Variants in PTBP2 observed in about 807,000 individuals in gnomAD.
PTBP2 encodes the protein polypyrimidine tract binding protein 2, also known as polypyrimidine tract-binding protein 2.
In PTBP2, 13 loss-of-function variants were observed where a neutral mutation model predicts 61.4. That is an observed-to-expected ratio of 0.21 (90% CI 0.14 to 0.34). The LOEUF is 0.34. PTBP2 is among the 10% of genes least tolerant of loss of function. The pLI is 1.00. For missense variants in PTBP2, 405 were observed against 642.6 expected, an observed-to-expected ratio of 0.63 and a Z score of 4.00; for synonymous variants, 215 against 218.5, an observed-to-expected ratio of 0.98 and a Z score of 0.14.
intron 1 of PTBP2, among the ~76,000 whole-genome samples, chr1:96,722,441 AG>A (rs1224872044): frequency 1.2e-4 from 8 of 67,092 alleles, no homozygotes; most frequent in Non-Finnish European, 1.2e-4. Flanking sequence ...CCGCTGGGGA[AG>A]GGGGGAGGGC....
chr1:96,756,536 C>A (rs1362568527), intron 3 of PTBP2, among the ~76,000 whole-genome samples: 1 of 152,174 alleles, frequency 6.6e-6, no homozygotes, highest in East Asian at 1.9e-4. Flanking sequence ...AACTTCATAG[C>A]AACCAAGAAG....
At position 96,750,597 on chromosome 1, in the gene PTBP2, C is replaced by G. The variant is rs74480335; in HGVS notation, c.40-828C>G. ...CTGAAATGCTTTGATAATTCATTGC[C>G]TCCTTTGCACATTTTTTTCATTTTG... On this transcript the variant is annotated intron_variant, in intron 2 of 13. Coordinates refer to ENST00000674951, the MANE Select transcript of PTBP2 (RefSeq NM_021190.4). 5.2e-3 allele frequency among the ~76,000 whole-genome samples: 786 copies of G among 151,800 alleles called. 7 individuals carry two copies. Among genetic ancestry groups the G allele is most frequent in the South Asian group, 0.025 (119 of 4,822 alleles).
intron 2 of PTBP2, among the ~76,000 whole-genome samples, chr1:96,736,872 G>A (rs558474536): frequency 1.1e-4 from 17 of 151,650 alleles, no homozygotes; most frequent in Admixed American, 7.9e-4. Context: ...TAGAGACAGC[G>A]TCTCGCTGTA....
At chr1:96,779,747 A>G (rs1403278083) in intron 7 of PTBP2, among the ~76,000 whole-genome samples, 1 of 152,106 alleles carries the variant, frequency 6.6e-6, no homozygotes, top group Non-Finnish European at 1.5e-5. Flanking sequence ...TGTTTCCTAA[A>G]CTTGCTTTGC....
At position 96,813,661 on chromosome 1, in the gene PTBP2, C is replaced by CTTTTTTTTTTTTTTTTTTTTTTTT. The variant is rs66475516; in HGVS notation, c.*277_*278insTTTTTTTTTTTTTTTTTTTTTTTT. On this transcript the variant is annotated 3_prime_UTR_variant, in exon 14 of 14. Transcript: ENST00000674951. The stretch of plus-strand genomic sequence containing the variant: ...TGTTTAAAATTTCAGTTTAATTTTG[C>CTTTTTTTTTTTTTTTTTTTTTTTT]TTTTTTTTTTTTTTTTTTTTTCCTT... The CTTTTTTTTTTTTTTTTTTTTTTTT allele has an allele frequency of 1.7e-5, 2 of 120,696 alleles. No homozygotes were observed. Among genetic ancestry groups the CTTTTTTTTTTTTTTTTTTTTTTTT allele is most frequent in the South Asian group, 2.8e-4 (1 of 3,572 alleles). The allele number at this position is 120,696 out of a possible 1,614,324, so 7.5% of individuals were successfully genotyped here. A position where few individuals can be genotyped will look rare whatever the true frequency, so the allele number is the denominator to read the frequency against.
At chr1:96,742,200 T>C (rs1321022126) in intron 2 of PTBP2, among the ~76,000 whole-genome samples, 1 of 152,216 alleles carries the variant, frequency 6.6e-6, no homozygotes, top group Non-Finnish European at 1.5e-5. Context: ...GGCAGAGAAC[T>C]ATAACATTTC....
rs1659088475 is a variant in PTBP2, at chr1:96,785,241, G to T, written c.891G>T (p.Glu297Asp). 1 of 1,582,488 alleles carries T rather than the reference G, an allele frequency of 6.3e-7. No homozygotes were observed. The highest frequency in any genetic ancestry group is 2.4e-5 in the East Asian group (1 of 42,330). Residue 297 changes from glutamate to aspartate, a missense_variant, in exon 8 of 14, where the codon GAG (glutamate) becomes GAT (aspartate). Around this residue, in one of 4 missense-constraint regions of PTBP2, gnomAD observed 342 missense variants for 491.2 expected, o/e 0.70. Transcript: ENST00000674951. ...CTATTGCTGCAGCATTTGCCAAGGA[G>T]ACATCCCTCTTAGGTATGATTTTTA... ...DPAIAAAFAK[E>D]TSLLAVPGAL...
chr1:96,768,243 G>C (rs999195047), intron 3 of PTBP2, among the ~76,000 whole-genome samples: 2 of 151,896 alleles, frequency 1.3e-5, no homozygotes, highest in Non-Finnish European at 2.9e-5. Flanking sequence ...TAATCATCTT[G>C]TTCACTCTCT....
intron 8 of PTBP2, among the ~76,000 whole-genome samples, chr1:96,796,675 A>G (rs1660428763): frequency 6.6e-6 from 1 of 152,158 alleles, no homozygotes; most frequent in Non-Finnish European, 1.5e-5. Context: ...AGAATGTAAG[A>G]CTGGATTTAT....
At chr1:96,764,215 A>G (rs943717280) in intron 3 of PTBP2, among the ~76,000 whole-genome samples, 2 of 152,232 alleles carry the variant, frequency 1.3e-5, no homozygotes, top group African/African-American at 2.4e-5. Flanking sequence ...AAAAAATTTC[A>G]TGTTATTAGA....
chr1:96,816,606 T>C (rs913847015), downstream of PTBP2: 8 of 152,134 alleles, frequency 5.3e-5, no homozygotes, highest in Non-Finnish European at 7.4e-5. Flanking sequence ...AATGAATCAT[T>C]ATATTAGAGA....
chr1:96,763,249 C>G (rs529228209), intron 3 of PTBP2, among the ~76,000 whole-genome samples: 3 of 152,034 alleles, frequency 2.0e-5, no homozygotes, highest in African/African-American at 7.2e-5. Context: ...GAGGTTGTAA[C>G]GAGCCGAGAT....
intron 8 of PTBP2, among the ~76,000 whole-genome samples, chr1:96,794,255 G>C (rs1660141511): frequency 6.6e-6 from 1 of 152,126 alleles, no homozygotes; most frequent in Non-Finnish European, 1.5e-5. Flanking sequence ...ATCAACTCCA[G>C]CCTTGTGTAA....
intron 1 of PTBP2, 106 bp downstream of exon 1, chr1:96,721,978 T>C: frequency 1.4e-6 from 2 of 1,449,532 alleles, no homozygotes; most frequent in Non-Finnish European, 1.9e-6. Context: ...CTCCCAGGGC[T>C]GGGCTGCCGT....
intron 3 of PTBP2, among the ~76,000 whole-genome samples, chr1:96,758,554 G>A (rs1464242601): frequency 6.6e-6 from 1 of 151,958 alleles, no homozygotes; most frequent in East Asian, 1.9e-4. Flanking sequence ...GAGACTTATC[G>A]CAGGATTGTA....
intron 7 of PTBP2, among the ~76,000 whole-genome samples, chr1:96,779,686 A>G (rs540320052): frequency 6.6e-6 from 1 of 152,120 alleles, no homozygotes; most frequent in Non-Finnish European, 1.5e-5. Context: ...CTAAGTACTT[A>G]TTCTGGTATC....
At chr1:96,799,294 C>CT (rs373815292) in intron 8 of PTBP2, among the ~76,000 whole-genome samples, 44,995 of 91,844 alleles carry the variant, frequency 0.49, 13,906 homozygotes, top group South Asian at 0.63. Flanking sequence ...ATAGATCAAG[C>CT]TTTTTTTTTT....
intron 8 of PTBP2, among the ~76,000 whole-genome samples, chr1:96,793,011 C>T (rs967928788): frequency 5.3e-5 from 8 of 152,064 alleles, no homozygotes; most frequent in African/African-American, 2.4e-5. Flanking sequence ...TTGCTGAATG[C>T]CATAGTAACA....
At chr1:96,734,893 C>CTTT (rs891559642) in intron 2 of PTBP2, among the ~76,000 whole-genome samples, 1 of 133,524 alleles carries the variant, frequency 7.5e-6, no homozygotes, top group Non-Finnish European at 1.6e-5. Flanking sequence ...TAATTGTCTC[C>CTTT]TTTTTTTTTC....
Sources: gnomAD v4.1 joint callset for allele counts (sites outside exome capture counted in the v4.1 genomes callset) on GRCh38, gnomAD v4.1.1 for gene constraint, gnomAD v4.1.1 regional missense constraint, MANE v1.5 for transcripts, NCBI Gene and HGNC (gene_info 2026-07-23, HGNC 2026-07-21) for gene names.